Variants in CTNNA1 observed in about 807,000 individuals in gnomAD.
CTNNA1 encodes the protein catenin alpha-1.
In CTNNA1, 37 loss-of-function variants were observed where a neutral mutation model predicts 98.4. That is an observed-to-expected ratio of 0.38 (90% CI 0.29 to 0.49). The LOEUF is 0.49. Among genes scored for constraint, CTNNA1 ranks in the 20% least tolerant of loss-of-function variants. The pLI is 0.95. For missense variants in CTNNA1, 761 were observed against 1,147.2 expected (o/e 0.66, Z 4.86); for synonymous variants, 404 against 413.2 (o/e 0.98, Z 0.27).
At chr5:138,792,570 T>G in intron 3 of CTNNA1, among the ~76,000 whole-genome samples, 1 of 152,192 alleles carries the variant, frequency 6.6e-6, no homozygotes, top group Non-Finnish European at 1.5e-5. Flanking sequence ...ATGTGAAGAC[T>G]TAAAACATAG....
chr5:138,819,450 G>A (rs896276320), intron 5 of CTNNA1, among the ~76,000 whole-genome samples: 1 of 152,192 alleles, frequency 6.6e-6, no homozygotes, highest in Non-Finnish European at 1.5e-5. Context: ...TCTCTGCTCA[G>A]CCACTGTTCT....
At chr5:138,798,737 G>A (rs1757232455) in intron 3 of CTNNA1, among the ~76,000 whole-genome samples, 1 of 152,082 alleles carries the variant, frequency 6.6e-6, no homozygotes, top group Non-Finnish European at 1.5e-5. Flanking sequence ...AGAACATCAG[G>A]GGATGACAGA....
intron 10 of CTNNA1, among the ~76,000 whole-genome samples, chr5:138,910,420 T>A (rs570847193): frequency 4.1e-4 from 63 of 151,996 alleles, no homozygotes; most frequent in African/African-American, 1.4e-3. Context: ...AGGGTTTTTT[T>A]AATTCTTGAG....
intron 7 of CTNNA1, among the ~76,000 whole-genome samples, chr5:138,833,461 T>C (rs186412116): frequency 1.4e-4 from 22 of 152,376 alleles, no homozygotes; most frequent in African/African-American, 5.0e-4. Flanking sequence ...CTCACTGATA[T>C]TATTTTAGAT....
chr5:138,849,654 A>G (rs889280857), intron 7 of CTNNA1, among the ~76,000 whole-genome samples: 2 of 152,218 alleles, frequency 1.3e-5, no homozygotes, highest in Admixed American at 1.3e-4. Context: ...AGTTGCCATC[A>G]GATGTTATCT....
At chr5:138,916,182 A>G (rs933413629) in intron 10 of CTNNA1, among the ~76,000 whole-genome samples, 8 of 151,684 alleles carry the variant, frequency 5.3e-5, no homozygotes, top group Admixed American at 5.2e-4. Context: ...GGTTGCAAAA[A>G]AAAAAAAAAG....
intron 5 of CTNNA1, among the ~76,000 whole-genome samples, chr5:138,815,836 CTG>C (rs1226762293): frequency 6.6e-6 from 1 of 152,152 alleles, no homozygotes; most frequent in Non-Finnish European, 1.5e-5. Flanking sequence ...TTGTGGGCTC[CTG>C]TGTACCCCCG....
At chr5:138,757,295 C>T (rs1186525124) in intron 1 of CTNNA1, among the ~76,000 whole-genome samples, 1 of 151,868 alleles carries the variant, frequency 6.6e-6, no homozygotes, top group African/African-American at 2.4e-5. Context: ...GAATAGGGAG[C>T]TATTGTTATG....
intron 9 of CTNNA1, among the ~76,000 whole-genome samples, chr5:138,893,374 TA>T (rs1755942558): frequency 6.6e-6 from 1 of 152,084 alleles, no homozygotes; most frequent in African/African-American, 2.4e-5. Context: ...TGTTCGTTCC[TA>T]TCAGCGTGGA....
intron 1 of CTNNA1, among the ~76,000 whole-genome samples, chr5:138,771,138 A>G (rs941193342): frequency 1.3e-5 from 2 of 151,598 alleles, no homozygotes; most frequent in African/African-American, 2.4e-5. Flanking sequence ...TTTCTTGTTG[A>G]CTGCTTTCTG....
At chr5:138,762,324 A>T (rs1054968555) in intron 1 of CTNNA1, among the ~76,000 whole-genome samples, 1 of 152,196 alleles carries the variant, frequency 6.6e-6, no homozygotes, top group Non-Finnish European at 1.5e-5. Flanking sequence ...GAATTAGTCC[A>T]GCGTGACTTG....
chr5:138,915,390 A>G (rs1286364891), intron 10 of CTNNA1, among the ~76,000 whole-genome samples: 1 of 152,200 alleles, frequency 6.6e-6, no homozygotes. Flanking sequence ...CTTCAGATCC[A>G]CTAGCATGGC....
intron 3 of CTNNA1, among the ~76,000 whole-genome samples, chr5:138,803,618 G>T (rs116650996): frequency 0.011 from 1,694 of 152,222 alleles, 27 homozygotes; most frequent in African/African-American, 0.039. Context: ...CTTTGACTTG[G>T]TGTTCCCTCT....
intron 14 of CTNNA1, among the ~76,000 whole-genome samples, chr5:138,930,173 TTAA>T (rs760516454): frequency 7.2e-5 from 11 of 152,194 alleles, no homozygotes; most frequent in Non-Finnish European, 1.6e-4. Flanking sequence ...TTGTCTTATA[TTAA>T]TAAGAATTAA....
intron 7 of CTNNA1, among the ~76,000 whole-genome samples, chr5:138,847,864 G>A (rs1430151609): frequency 3.3e-5 from 5 of 152,186 alleles, no homozygotes; most frequent in Non-Finnish European, 5.9e-5. Context: ...GTGGTACTGA[G>A]TAAAAGCTGA....
In CTNNA1 at chr5:138,925,501, G is replaced by A. The variant is rs1763824304; in HGVS notation, c.1899+94G>A. On this transcript the variant is annotated intron_variant, in intron 13 of 17. Transcript: ENST00000302763. The stretch of plus-strand genomic sequence containing the variant: ...CATTCTAGAACTCGGCAGATGCGGT[G>A]GCAGTATATTAAAACCATGAATCTA... The A allele has an allele frequency of 8.8e-6, 13 of 1,469,054 alleles. No homozygotes were observed. The South Asian group carries it at 1.2e-4, about 14-fold the overall frequency. 91.0% of individuals were successfully genotyped at this position (1,469,054 alleles called of 1,614,324 possible).
At chr5:138,805,585 A>G (rs1758005373) in intron 3 of CTNNA1, among the ~76,000 whole-genome samples, 1 of 151,842 alleles carries the variant, frequency 6.6e-6, no homozygotes, top group Admixed American at 6.6e-5. Flanking sequence ...TCCTTTGCCT[A>G]TTTTAAGTTG....
intron 1 of CTNNA1, among the ~76,000 whole-genome samples, chr5:138,763,253 A>G (rs186340123): frequency 6.6e-6 from 1 of 152,350 alleles, no homozygotes; most frequent in Admixed American, 6.5e-5. Flanking sequence ...CAGAAAACAC[A>G]TTCACTATGG....
intron 7 of CTNNA1, among the ~76,000 whole-genome samples, chr5:138,855,213 A>G (rs1467229069): frequency 6.6e-6 from 1 of 152,034 alleles, no homozygotes. Context: ...TAATTTTTGT[A>G]TTTTTAGTAG....
Sources: gnomAD v4.1 joint callset for allele counts (sites outside exome capture counted in the v4.1 genomes callset) on GRCh38, gnomAD v4.1.1 for gene constraint, MANE v1.5 for transcripts, NCBI Gene and HGNC (gene_info 2026-07-23, HGNC 2026-07-21) for gene names.